The following PAK3 variants were observed in gnomAD, a reference collection of about 807,000 sequenced individuals.
The protein encoded by PAK3 is serine/threonine-protein kinase PAK 3.
A neutral mutation model predicts 41.0 loss-of-function variants in PAK3; 4 were observed. That is an observed-to-expected ratio of 0.10 (90% CI 0.05 to 0.22). The LOEUF is 0.22. Among genes scored for constraint, PAK3 ranks in the 10% least tolerant of loss-of-function variants. The probability of loss-of-function intolerance (pLI) is 1.00; values close to 1 mark genes in which losing one functional copy is unlikely to be tolerated. For synonymous variants in PAK3, 146 were observed against 139.6 expected (o/e 1.05, Z -0.32); for missense variants, 205 against 409.9 (o/e 0.50, Z 4.32).
chrX:111,021,397 G>A (rs1045046777), intron 1 of PAK3, among the ~76,000 whole-genome samples: 1 of 112,069 alleles, frequency 8.9e-6, no homozygotes, highest in Non-Finnish European at 1.9e-5. Context: ...CCAGTCTGGA[G>A]CCCAATAGCT....
chrX:111,197,450 T>C (rs1020690475), intron 16 of PAK3, among the ~76,000 whole-genome samples: 3 of 111,884 alleles, frequency 2.7e-5, no homozygotes, highest in South Asian at 3.8e-4. Context: ...CCAGTAATGG[T>C]ATTGCTGAGT....
intron 16 of PAK3, among the ~76,000 whole-genome samples, chrX:111,214,964 A>G (rs1325296692): frequency 1.8e-5 from 2 of 111,334 alleles, no homozygotes; most frequent in Middle Eastern, 4.6e-3. Flanking sequence ...ACTCCTACTT[A>G]TTCTTCAATA....
At chrX:110,972,285 C>A (rs1163971377) in intron 1 of PAK3, among the ~76,000 whole-genome samples, 1 of 111,345 alleles carries the variant, frequency 9.0e-6, no homozygotes, top group African/African-American at 3.3e-5. Flanking sequence ...AGTGGGTCCC[C>A]GACCCCCGTG....
intron 1 of PAK3, among the ~76,000 whole-genome samples, chrX:111,032,593 G>A (rs1362690284): frequency 2.7e-5 from 3 of 111,446 alleles, no homozygotes; most frequent in Non-Finnish European, 5.7e-5. Context: ...AAAACAAAAC[G>A]AAAACTGCCC....
In PAK3 at chrX:111,208,951, G is replaced by T. The variant is rs1241392538; in HGVS notation, c.1408-7470G>T. On this transcript the variant is annotated intron_variant, in intron 16 of 17. Coordinates refer to ENST00000372007, the MANE Select transcript of PAK3 (RefSeq NM_002578.5). ...AGGAATGACGTGTGTGTGTGTGTGT[G>T]TGTGTGTACTAGACAGTGGGCAATA... Among the ~76,000 whole-genome samples the T allele has an allele frequency of 2.7e-5, 3 of 110,514 alleles. No individual in the cohort carries two copies. The East Asian group carries it at 8.4e-4, about 31-fold the overall frequency.
intron 1 of PAK3, among the ~76,000 whole-genome samples, chrX:111,081,050 A>C (rs2092830407): frequency 8.9e-6 from 1 of 111,834 alleles, no homozygotes; most frequent in African/African-American, 3.3e-5. Flanking sequence ...TCAGAAGCAG[A>C]AAGTAGAATA....
chrX:111,124,855 AT>A (rs1322572184), intron 5 of PAK3, among the ~76,000 whole-genome samples: 1 of 89,679 alleles, frequency 1.1e-5, no homozygotes, highest in Non-Finnish European at 2.3e-5. Context: ...TTTCTTGTGG[AT>A]GTTCAAGACT....
At chrX:111,220,225 G>A (rs773459921) in intron 17 of PAK3, 133 bp from the exon 18 acceptor site, 5 of 508,202 alleles carry the variant, frequency 9.8e-6, no homozygotes, top group Admixed American at 2.8e-5. Context: ...AGCTGGCACC[G>A]TTTTTAATTA....
At chrX:111,066,572 A>C (rs1394504484) in intron 1 of PAK3, among the ~76,000 whole-genome samples, 2 of 111,912 alleles carry the variant, frequency 1.8e-5, no homozygotes, top group Non-Finnish European at 3.8e-5. Flanking sequence ...GTAAATGTCT[A>C]TTAGGTCCAA....
At chrX:111,000,650 A>G (rs1225284576) in intron 1 of PAK3, among the ~76,000 whole-genome samples, 3 of 112,335 alleles carry the variant, frequency 2.7e-5, no homozygotes, top group Non-Finnish European at 5.6e-5. Flanking sequence ...CCTGGTTTCA[A>G]TAATCTTAGT....
At chrX:111,038,483 G>A (rs1185243887) in intron 1 of PAK3, among the ~76,000 whole-genome samples, 3 of 111,972 alleles carry the variant, frequency 2.7e-5, no homozygotes, top group African/African-American at 9.8e-5. Context: ...CCCTTCTGAG[G>A]TTAAGTATAA....
At chrX:111,002,387 A>G (rs2091862269) in intron 1 of PAK3, among the ~76,000 whole-genome samples, 1 of 111,828 alleles carries the variant, frequency 8.9e-6, no homozygotes, top group Non-Finnish European at 1.9e-5. Context: ...GTGCTACAGT[A>G]CCATTTAAAA....
At chrX:111,054,573 A>G (rs904687959) in intron 1 of PAK3, among the ~76,000 whole-genome samples, 2 of 111,331 alleles carry the variant, frequency 1.8e-5, no homozygotes, top group African/African-American at 3.3e-5. Flanking sequence ...CAAAGGCCCT[A>G]TTTTGGCCCT....
intron 4 of PAK3, among the ~76,000 whole-genome samples, chrX:111,111,251 G>A (rs778013390): frequency 1.8e-5 from 2 of 112,354 alleles, no homozygotes; most frequent in East Asian, 2.8e-4. Context: ...TAGAGATACA[G>A]TTTTTCCACC....
chrX:111,214,873 C>G (rs2149392682), intron 16 of PAK3, among the ~76,000 whole-genome samples: 1 of 111,683 alleles, frequency 9.0e-6, no homozygotes, highest in South Asian at 3.8e-4. Context: ...AAAACCTGGG[C>G]AAGTTCAGGG....
At chrX:111,144,508 T>A (rs1462661849) in intron 6 of PAK3, among the ~76,000 whole-genome samples, 2 of 111,543 alleles carry the variant, frequency 1.8e-5, no homozygotes, top group Non-Finnish European at 3.8e-5. Context: ...AGTCTTTTTA[T>A]TGGTAGGATT....
intron 1 of PAK3, among the ~76,000 whole-genome samples, chrX:111,014,337 TA>T (rs888960391): frequency 1.4e-4 from 16 of 110,706 alleles, no homozygotes; most frequent in East Asian, 2.9e-4. Flanking sequence ...TTTTTTCAAG[TA>T]AAAAAAATTA....
intron 5 of PAK3, 23 bp from the exon 6 acceptor site, chrX:111,142,073 A>G: frequency 6.5e-6 from 6 of 918,685 alleles, no homozygotes; most frequent in Non-Finnish European, 9.6e-6. Flanking sequence ...CCAAATAAAT[A>G]CATGTTAACA....
intron 3 of PAK3, among the ~76,000 whole-genome samples, chrX:111,100,880 C>A (rs1250562067): frequency 9.0e-6 from 1 of 111,571 alleles, no homozygotes; most frequent in Non-Finnish European, 1.9e-5. Context: ...CAGTCTCCAA[C>A]AGGAGGCTGA....
Sources: gnomAD v4.1 joint callset for allele counts (sites outside exome capture counted in the v4.1 genomes callset) on GRCh38, gnomAD v4.1.1 for gene constraint, MANE v1.5 for transcripts, NCBI Gene and HGNC (gene_info 2026-07-23, HGNC 2026-07-21) for gene names.